The following EPHA4 variants were observed in gnomAD, a reference collection of about 807,000 sequenced individuals.
EPHA4 encodes EPH receptor A4.
EPHA4 carries 19 observed loss-of-function variants against 108.3 expected under a neutral mutation model. The ratio of observed to expected loss-of-function variants is 0.18; its 90% CI spans 0.12 to 0.26. EPHA4 has a LOEUF of 0.26. Among genes scored for constraint, EPHA4 ranks in the 10% least tolerant of loss-of-function variants. The pLI is 1.00. For synonymous variants in EPHA4, 449 were observed against 455.5 expected, an observed-to-expected ratio of 0.99 and a Z score of 0.18; for missense variants, 917 against 1,254.0, an observed-to-expected ratio of 0.73 and a Z score of 4.06.
intron 8 of EPHA4, among the ~76,000 whole-genome samples, chr2:221,448,279 C>T (rs886984659): frequency 6.6e-6 from 1 of 152,066 alleles, no homozygotes; most frequent in Non-Finnish European, 1.5e-5. Context: ...TCACCACGTG[C>T]TCTCCTAGCA....
intron 3 of EPHA4, among the ~76,000 whole-genome samples, chr2:221,522,832 G>A (rs541145958): frequency 1.3e-5 from 2 of 151,446 alleles, no homozygotes; most frequent in East Asian, 2.0e-4. Flanking sequence ...GTGCAATCTC[G>A]GCTCACTGCA....
intron 3 of EPHA4, among the ~76,000 whole-genome samples, chr2:221,546,650 A>G (rs1416703035): frequency 2.6e-5 from 4 of 152,162 alleles, no homozygotes; most frequent in African/African-American, 9.6e-5. Flanking sequence ...TCACTAAGCT[A>G]TGGCTTAGAA....
chr2:221,570,595 T>A (rs1196618147), intron 1 of EPHA4, among the ~76,000 whole-genome samples: 1 of 151,980 alleles, frequency 6.6e-6, no homozygotes. Flanking sequence ...TGTGGGCAGG[T>A]GTATAAATCT....
chr2:221,546,791 C>G lies in EPHA4; in HGVS notation c.823+16940G>C, dbSNP rs73089655. ...ACTATAAAGAAATCTTTTGGAAAAACAACTACTCACCCTGGGCAAACATCG... is the reference window on the plus strand; with the variant it reads ...ACTATAAAGAAATCTTTTGGAAAAAGAACTACTCACCCTGGGCAAACATCG... On this transcript the variant is annotated intron_variant, in intron 3 of 17. Coordinates refer to ENST00000281821, the MANE Select transcript of EPHA4 (RefSeq NM_004438.5). 4.6e-3 allele frequency among the ~76,000 whole-genome samples: 700 copies of G among 152,266 alleles called. 2 individuals are homozygous for G. The highest frequency in any genetic ancestry group is 0.016 in the African/African-American group (653 of 41,544).
intron 4 of EPHA4, among the ~76,000 whole-genome samples, chr2:221,494,017 C>A (rs1692233856): frequency 6.6e-6 from 1 of 152,140 alleles, no homozygotes; most frequent in South Asian, 2.1e-4. Context: ...GAGACAGATT[C>A]GTAAAGGCCC....
intron 3 of EPHA4, among the ~76,000 whole-genome samples, chr2:221,546,419 T>C (rs1458448044): frequency 6.6e-6 from 1 of 152,106 alleles, no homozygotes; most frequent in Non-Finnish European, 1.5e-5. Flanking sequence ...GCACCAGTCT[T>C]TAATATTTAT....
At chr2:221,534,080 G>T (rs1294146576) in intron 3 of EPHA4, among the ~76,000 whole-genome samples, 1 of 152,170 alleles carries the variant, frequency 6.6e-6, no homozygotes, top group Non-Finnish European at 1.5e-5. Flanking sequence ...ATCTAGGTAG[G>T]CAGGGACTCA....
chr2:221,476,002 T>C (rs1257772161), intron 5 of EPHA4, among the ~76,000 whole-genome samples: 2 of 152,124 alleles, frequency 1.3e-5, no homozygotes, highest in African/African-American at 4.8e-5. Context: ...ATGGATGCAC[T>C]TGAGGCCAGG....
intron 1 of EPHA4, 97 bp downstream of exon 1, chr2:221,572,061 G>T: frequency 9.9e-7 from 1 of 1,008,746 alleles, no homozygotes; most frequent in Non-Finnish European, 1.6e-6. Context: ...TTCACACTGG[G>T]CTCCCCCCGC....
At chr2:221,557,574 T>C (rs749859111) in intron 3 of EPHA4, among the ~76,000 whole-genome samples, 2 of 152,228 alleles carry the variant, frequency 1.3e-5, no homozygotes, top group Non-Finnish European at 2.9e-5. Flanking sequence ...GCACATCTGA[T>C]TAAGTGGCTC....
rs188627367 is a variant in EPHA4 at position 221,494,477 on chromosome 2, A to T, written c.979+6540T>A. On this transcript the variant is annotated intron_variant, in intron 4 of 17. Coordinates refer to ENST00000281821, the MANE Select transcript of EPHA4 (RefSeq NM_004438.5). The stretch of plus-strand genomic sequence containing the variant: ...AAATATTAGCTGGGCATGGTGGTGC[A>T]TGTCTGTAAATCCCAGCTACTTGGG... Among the ~76,000 whole-genome samples the T allele has an allele frequency of 3.0e-3, 453 of 152,216 alleles. 4 individuals carry two copies. Among genetic ancestry groups the T allele is most frequent in the Middle Eastern group, 0.017 (5 of 294 alleles).
chr2:221,465,158 A>T (rs1408677866), intron 5 of EPHA4, among the ~76,000 whole-genome samples: 1 of 152,202 alleles, frequency 6.6e-6, no homozygotes, highest in Non-Finnish European at 1.5e-5. Context: ...TATTTACTGA[A>T]GGATACAATT....
chr2:221,506,938 T>C (rs1559271159), intron 3 of EPHA4, among the ~76,000 whole-genome samples: 1 of 151,860 alleles, frequency 6.6e-6, no homozygotes, highest in South Asian at 2.1e-4. Flanking sequence ...GGGAATGGAA[T>C]TCTTTGTTGG....
At chr2:221,524,254 C>G in intron 3 of EPHA4, among the ~76,000 whole-genome samples, 1 of 152,188 alleles carries the variant, frequency 6.6e-6, no homozygotes, top group East Asian at 1.9e-4. Flanking sequence ...CAGTATCCAA[C>G]CCATCAGGTA....
At chr2:221,487,763 A>G (rs772080639) in intron 4 of EPHA4, among the ~76,000 whole-genome samples, 44 of 152,146 alleles carry the variant, frequency 2.9e-4, no homozygotes, top group Non-Finnish European at 5.9e-4. Flanking sequence ...CCCTTCCTTC[A>G]CGTTTTTGGT....
At chr2:221,573,656 T>A (rs368952767), upstream of EPHA4, 2 of 152,086 alleles carry the variant, frequency 1.3e-5, no homozygotes, top group African/African-American at 4.8e-5. This position sits in a 1 kb window ranked among gnomAD's most constrained non-coding sequence, Gnocchi z 4.5. Context: ...GAGGAGCCTC[T>A]CCAGCCCCGG....
chr2:221,557,865 T>A (rs1199180006), intron 3 of EPHA4, among the ~76,000 whole-genome samples: 1 of 152,170 alleles, frequency 6.6e-6, no homozygotes, highest in Non-Finnish European at 1.5e-5. Flanking sequence ...CATAAGGAAG[T>A]TCTACTAAAT....
chr2:221,434,310 T>G lies in EPHA4; in HGVS notation c.2347-19A>C, dbSNP rs758398760. The stretch of plus-strand genomic sequence containing the variant: ...TGCCACCCTGTGAACATTTGAGCCA[T>G]AAGTTATTCCTTAAGTACATCACTG... On this transcript the variant is annotated intron_variant, in intron 13 of 17. Transcript: ENST00000281821. 21 of 1,612,656 alleles carry G rather than the reference T, an allele frequency of 1.3e-5. No individual in the cohort carries two copies. The highest frequency in any genetic ancestry group is 1.6e-4 in the Middle Eastern group (1 of 6,078).
chr2:221,512,984 G>C (rs1201426933), intron 3 of EPHA4, among the ~76,000 whole-genome samples: 1 of 152,146 alleles, frequency 6.6e-6, no homozygotes, highest in African/African-American at 2.4e-5. Flanking sequence ...CCTAACCCAG[G>C]CTGTCTGCTT....
Sources: gnomAD v4.1 joint callset for allele counts (sites outside exome capture counted in the v4.1 genomes callset) on GRCh38, gnomAD v4.1.1 for gene constraint, Gnocchi (gnomAD v3.1) non-coding constraint, MANE v1.5 for transcripts, NCBI Gene and HGNC (gene_info 2026-07-23, HGNC 2026-07-21) for gene names.